Variants in RPTOR observed in about 807,000 individuals in gnomAD.
The protein encoded by RPTOR is regulatory associated protein of MTOR complex 1.
In RPTOR, 21 loss-of-function variants were observed where a neutral mutation model predicts 169.9. That is an observed-to-expected ratio of 0.12 (90% confidence interval 0.09 to 0.18). The LOEUF is 0.18. RPTOR is among the 10% of genes least tolerant of loss of function. The pLI, the probability that RPTOR is intolerant of heterozygous loss-of-function variation, is 1.00. For synonymous variants in RPTOR, 732 were observed against 753.2 expected, an observed-to-expected ratio of 0.97 and a Z score of 0.46; for missense variants, 1,133 against 1,855.9, an observed-to-expected ratio of 0.61 and a Z score of 7.16.
In RPTOR at chr17:80,785,173, C is replaced by T. The variant is rs116645698; in HGVS notation, c.831-6277C>T. 5.5e-3 allele frequency among the ~76,000 whole-genome samples: 842 copies of T among 152,244 alleles called. 9 individuals are homozygous for T. The highest frequency in any genetic ancestry group is 0.02 in the African/African-American group (817 of 41,514). Reference sequence around the variant, plus strand: ...ATCAGTGTAAATTCTAGAGACTTCACGTGCCAGCTAAGGTGAAGTAAGCCA... The same window carrying T: ...ATCAGTGTAAATTCTAGAGACTTCATGTGCCAGCTAAGGTGAAGTAAGCCA... On this transcript the variant is annotated intron_variant, in intron 6 of 33. Coordinates refer to ENST00000306801, the MANE Select transcript of RPTOR (RefSeq NM_020761.3).
rs556883144 is a variant in RPTOR at position 80,722,799 on chromosome 17, G to A, written c.508-7761G>A. Reference sequence around the variant, plus strand: ...CAGCGATCAAATCTAGGAAACATATGTTGTTACAGCACTGCCAACCACACA... The same window carrying A: ...CAGCGATCAAATCTAGGAAACATATATTGTTACAGCACTGCCAACCACACA... On this transcript the variant is annotated intron_variant, in intron 4 of 33. Coordinates refer to ENST00000306801, the MANE Select transcript of RPTOR (RefSeq NM_020761.3). Among the ~76,000 whole-genome samples the A allele has an allele frequency of 2.0e-5, 3 of 151,412 alleles. No individual in the cohort carries two copies. The East Asian group carries it at 5.8e-4, about 29-fold the overall frequency.
At position 80,936,701 on chromosome 17, in the gene RPTOR, G is replaced by A. The variant is rs189087236; in HGVS notation, c.2920-3795G>A. Among the ~76,000 whole-genome samples, 337 of 152,336 alleles carry A rather than the reference G, an allele frequency of 2.2e-3. No homozygotes were observed. Among genetic ancestry groups the A allele is most frequent in the Middle Eastern group, 0.01 (3 of 294 alleles). On this transcript the variant is annotated intron_variant, in intron 24 of 33. Transcript: ENST00000306801. The surrounding 1 kb of genome is among the most constrained non-coding windows in gnomAD (Gnocchi z 4.1). ...TATCAAAACTCCGCCTGTACCTACAGAGGGCGAAATTCACTGTACGTAAGT... is the reference window on the plus strand; with the variant it reads ...TATCAAAACTCCGCCTGTACCTACAAAGGGCGAAATTCACTGTACGTAAGT...
intron 1 of RPTOR, among the ~76,000 whole-genome samples, chr17:80,589,320 G>A (rs1191595861): frequency 6.6e-6 from 1 of 152,000 alleles, no homozygotes; most frequent in Non-Finnish European, 1.5e-5. Flanking sequence ...GTGCTGTTCC[G>A]GGGGTACTTC....
chr17:80,665,480 T>G (rs1206883769), intron 3 of RPTOR, among the ~76,000 whole-genome samples: 1 of 45,428 alleles, frequency 2.2e-5, no homozygotes, highest in African/African-American at 1.9e-4. Context: ...TTCCTTTCCT[T>G]TCCTTTCCTT....
chr17:80,885,204 C>T (rs2016817), intron 17 of RPTOR, 56 bp downstream of exon 17: 394,820 of 1,532,814 alleles, frequency 0.26, 52,189 homozygotes, highest in East Asian at 0.39. Flanking sequence ...CCCCGTGACA[C>T]CTGGGGCCAA....
chr17:80,714,762 C>G (rs978162711), intron 4 of RPTOR, among the ~76,000 whole-genome samples: 1 of 152,112 alleles, frequency 6.6e-6, no homozygotes, highest in East Asian at 1.9e-4. Context: ...CTCGCTCTGT[C>G]GCCCAGGCTG....
chr17:80,574,383 G>C (rs1174723745), intron 1 of RPTOR, among the ~76,000 whole-genome samples: 1 of 148,968 alleles, frequency 6.7e-6, no homozygotes, highest in African/African-American at 2.5e-5. Flanking sequence ...AGCCAGGATG[G>C]TCTCGATCTC....
chr17:80,636,670 C>T (rs2065509226), intron 2 of RPTOR, among the ~76,000 whole-genome samples: 1 of 152,162 alleles, frequency 6.6e-6, no homozygotes, highest in Admixed American at 6.5e-5. Context: ...GGGACATATT[C>T]AGAACATAGC....
intron 14 of RPTOR, among the ~76,000 whole-genome samples, chr17:80,882,451 C>G (rs1014175901): frequency 2.0e-5 from 3 of 152,214 alleles, no homozygotes; most frequent in African/African-American, 7.2e-5. Context: ...AGCACCGGCC[C>G]CAACAGCAGA....
intron 6 of RPTOR, among the ~76,000 whole-genome samples, chr17:80,764,927 A>C (rs911888409): frequency 1.3e-5 from 2 of 152,220 alleles, no homozygotes; most frequent in African/African-American, 4.8e-5. Flanking sequence ...TAAAACTGAT[A>C]AAATACTCAC....
chr17:80,947,791 C>T lies in RPTOR; in HGVS notation c.3265+440C>T, dbSNP rs1203415998. On this transcript the variant is annotated intron_variant, in intron 27 of 33. Transcript: ENST00000306801. This position sits in a 1 kb window ranked among gnomAD's most constrained non-coding sequence, Gnocchi z 4.4. Reference sequence around the variant, plus strand: ...TTGCTGTCCCCACTGGGAGCTGGCACTCACCCTCCTCCAGTCCCGTCCTGC... The same window carrying T: ...TTGCTGTCCCCACTGGGAGCTGGCATTCACCCTCCTCCAGTCCCGTCCTGC... Among the ~76,000 whole-genome samples the T allele has an allele frequency of 1.3e-5, 2 of 152,204 alleles. No individual in the cohort carries two copies. The highest frequency in any genetic ancestry group is 4.8e-5 in the African/African-American group (2 of 41,458).
At chr17:80,602,373 C>T (rs2065194737) in intron 1 of RPTOR, among the ~76,000 whole-genome samples, 1 of 61,802 alleles carries the variant, frequency 1.6e-5, no homozygotes, top group Non-Finnish European at 3.6e-5. Flanking sequence ...GGCAGGGGGG[C>T]TGACCCCCCC....
At chr17:80,847,288 G>A (rs916673982) in intron 11 of RPTOR, among the ~76,000 whole-genome samples, 7 of 152,240 alleles carry the variant, frequency 4.6e-5, no homozygotes, top group African/African-American at 1.7e-4. Flanking sequence ...GGTCAGCATC[G>A]TGGGTCCTGC....
In RPTOR at chr17:80,735,311, G is replaced by C. The variant is rs540627388; in HGVS notation, c.654+4605G>C. On this transcript the variant is annotated intron_variant, in intron 5 of 33. Transcript: ENST00000306801. ...CCCTGTTACTCCTTGCAGTGGATGA[G>C]TAGATGTTCTTGATAAGTCTGCCAC... Among the ~76,000 whole-genome samples, 3 of 152,292 alleles carry C rather than the reference G, an allele frequency of 2.0e-5. 1 individual carries two copies. Among genetic ancestry groups the C allele is most frequent in the East Asian group, 3.9e-4 (2 of 5,188 alleles).
At chr17:80,929,509 G>A (rs1350702540) in intron 24 of RPTOR, among the ~76,000 whole-genome samples, 2 of 152,244 alleles carry the variant, frequency 1.3e-5, no homozygotes, top group Non-Finnish European at 2.9e-5. Flanking sequence ...ATACGCTGTT[G>A]GGAGGCATCA....
chr17:80,586,669 A>G (rs1486029611), intron 1 of RPTOR, among the ~76,000 whole-genome samples: 1 of 152,166 alleles, frequency 6.6e-6, no homozygotes, highest in African/African-American at 2.4e-5. Flanking sequence ...ACTGAAGAGC[A>G]GCCCCGGGCG....
intron 20 of RPTOR, among the ~76,000 whole-genome samples, chr17:80,900,008 G>A (rs1248090637): frequency 6.6e-6 from 1 of 152,144 alleles, no homozygotes; most frequent in East Asian, 1.9e-4. Context: ...GGGCACAAAA[G>A]TACAGAACAG....
chr17:80,713,559 T>A (rs899582559), intron 4 of RPTOR, among the ~76,000 whole-genome samples: 1 of 152,146 alleles, frequency 6.6e-6, no homozygotes, highest in Non-Finnish European at 1.5e-5. Context: ...CCTTGTGCTG[T>A]CCATAGTAGA....
At chr17:80,714,706 T>C (rs1009501937) in intron 4 of RPTOR, among the ~76,000 whole-genome samples, 4 of 152,242 alleles carry the variant, frequency 2.6e-5, no homozygotes, top group Non-Finnish European at 4.4e-5. Context: ...AGATACATTT[T>C]AGAAATATAT....
Sources: gnomAD v4.1 joint callset for allele counts (sites outside exome capture counted in the v4.1 genomes callset) on GRCh38, gnomAD v4.1.1 for gene constraint, Gnocchi (gnomAD v3.1) non-coding constraint, MANE v1.5 for transcripts, NCBI Gene and HGNC (gene_info 2026-07-23, HGNC 2026-07-21) for gene names.